Variants in ARHGEF37 observed in about 807,000 individuals in gnomAD.
ARHGEF37 encodes Rho guanine nucleotide exchange factor (GEF) 37.
ARHGEF37 carries 55 observed loss-of-function variants against 71.1 expected under a neutral mutation model. The observed-to-expected ratio is 0.77, with a 90% CI of 0.62 to 0.97. The LOEUF (loss-of-function observed/expected upper bound fraction) is 0.97, where lower values mean the gene tolerates loss of function less well. Among genes scored for constraint, ARHGEF37 ranks in the 50% least tolerant of loss-of-function variants. The probability of loss-of-function intolerance (pLI) is 0.00; values close to 1 mark genes in which losing one functional copy is unlikely to be tolerated. For missense variants in ARHGEF37, 765 were observed against 836.8 expected, an observed-to-expected ratio of 0.91 and a Z score of 1.06; for synonymous variants, 327 against 350.6, an observed-to-expected ratio of 0.93 and a Z score of 0.75.
intron 11 of ARHGEF37, among the ~76,000 whole-genome samples, chr5:149,628,431 C>T (rs889163657): frequency 5.9e-5 from 9 of 152,142 alleles, no homozygotes; most frequent in East Asian, 3.9e-4. Context: ...AGGCAGTCTC[C>T]GCCTCCTAGG....
At chr5:149,620,568 G>A (rs757233062) in intron 8 of ARHGEF37, 104 bp downstream of exon 8, 17 of 848,192 alleles carry the variant, frequency 2.0e-5, no homozygotes, top group Non-Finnish European at 2.7e-5. Flanking sequence ...GGTGGCTCAC[G>A]CCTGTAATCC....
intron 7 of ARHGEF37, among the ~76,000 whole-genome samples, chr5:149,619,385 G>A (rs1430835046): frequency 1.3e-5 from 2 of 152,194 alleles, no homozygotes; most frequent in Admixed American, 6.5e-5. Context: ...AGTGAAGTGT[G>A]CAGGTAACAG....
Position 149,622,069 on chromosome 5 carries a change from C to A in ARHGEF37, c.1335+7C>A, listed in dbSNP as rs756960988. ...AGAGGGAAGCATGGCCCAGGTAAGG[C>A]CTCTGAGACTTGGACACCTGTGGGG... On this transcript the variant is annotated splice_region_variant and intron_variant, in intron 9 of 12. Coordinates refer to ENST00000333677, the MANE Select transcript of ARHGEF37 (RefSeq NM_001001669.3). 8.8e-6 allele frequency: 14 copies of A among 1,597,232 alleles called. No homozygotes were observed. The South Asian group carries it at 1.6e-4, about 18-fold the overall frequency.
In ARHGEF37 at chr5:149,597,798, C is replaced by G; in HGVS notation, c.29C>G (p.Ser10Cys). 4 of 1,570,840 alleles carry G rather than the reference C, an allele frequency of 2.5e-6. No individual in the cohort carries two copies. Among genetic ancestry groups the G allele is most frequent in the Non-Finnish European group, 3.4e-6 (4 of 1,160,588 alleles). ...GCCAAGCATGGAGCCGACGAGCCAT[C>G]CTCCAGGTCAGGGAGTCCGGACAGG... MAKHGADEP[S>C]SRSGSPDREG... The change falls in exon 2 of 13, where the codon TCC (serine) becomes TGC (cysteine). Residue 10 changes from serine (S) to cysteine (C), a missense_variant. Around this residue, in one of 5 missense-constraint regions of ARHGEF37, gnomAD observed 201 missense variants for 217.5 expected, o/e 0.92. Transcript: ENST00000333677.
At chr5:149,564,901 G>A (rs1762881285) in intron 1 of ARHGEF37, among the ~76,000 whole-genome samples, 1 of 152,182 alleles carries the variant, frequency 6.6e-6, no homozygotes, top group African/African-American at 2.4e-5. Flanking sequence ...ATGAACCCAT[G>A]GCACATCGTG....
At chr5:149,558,228 C>T (rs762915522) in intron 1 of ARHGEF37, among the ~76,000 whole-genome samples, 3 of 152,122 alleles carry the variant, frequency 2.0e-5, no homozygotes, top group East Asian at 2.0e-4. Context: ...AGGGACTGAC[C>T]GGGCACCATG....
rs567437385 is a variant in ARHGEF37 at position 149,590,174 on chromosome 5, C to T, written c.-11-7585C>T. Among the ~76,000 whole-genome samples the T allele has an allele frequency of 2.3e-3, 327 of 144,180 alleles. 2 individuals carry two copies. The highest frequency in any genetic ancestry group is 7.5e-3 in the African/African-American group (305 of 40,892). The allele number at this position is 144,180 out of a possible 152,430, so 94.6% of individuals were successfully genotyped here. A position where few individuals can be genotyped will look rare whatever the true frequency, so the allele number is the denominator to read the frequency against. ...GTGGGAATGCCCAAATCCCTCTGTG[C>T]CAGTGTGAACAGAAGAGAAGAGAGA... On this transcript the variant is annotated intron_variant, in intron 1 of 12. Coordinates refer to ENST00000333677, the MANE Select transcript of ARHGEF37 (RefSeq NM_001001669.3).
At position 149,618,919 on chromosome 5, in the gene ARHGEF37, TCA is replaced by T. The variant is rs1359612314; in HGVS notation, c.790-12_790-11del. 6.3e-7 allele frequency: 1 copy of T among 1,595,794 alleles called. No individual in the cohort carries two copies. Among genetic ancestry groups the T allele is most frequent in the Non-Finnish European group, 8.6e-7 (1 of 1,163,324 alleles). ...GCCCCCATGTGGATATTCTCAACCCTCACACACATTACTTTCAGACAGAAGAC... is the reference window on the plus strand; with the variant it reads ...GCCCCCATGTGGATATTCTCAACCCTCACACATTACTTTCAGACAGAAGAC... On this transcript the variant is annotated splice_polypyrimidine_tract_variant and intron_variant, in intron 6 of 12. Transcript: ENST00000333677.
At chr5:149,609,462 A>G in intron 3 of ARHGEF37, 86 bp from the exon 4 acceptor site, 2 of 1,433,574 alleles carry the variant, frequency 1.4e-6, no homozygotes, top group Non-Finnish European at 2.0e-6. Flanking sequence ...GGAGAGCTGG[A>G]GGGGTTTACT....
intron 1 of ARHGEF37, among the ~76,000 whole-genome samples, chr5:149,562,102 A>G (rs977686469): frequency 3.9e-5 from 6 of 152,216 alleles, no homozygotes; most frequent in African/African-American, 1.4e-4. Context: ...AAGCACTGAT[A>G]CTTATCACAG....
chr5:149,628,882 G>A lies in ARHGEF37; in HGVS notation c.1734G>A (p.Arg578=). The change falls in exon 12 of 13, where the codon AGG becomes AGA. Residue 578 remains arginine, a synonymous_variant. Coordinates refer to ENST00000333677, the MANE Select transcript of ARHGEF37 (RefSeq NM_001001669.3). ...HVVPSAEELR[R]QAGLNKDPRC... ...TCCCCAGTGCAGAGGAGCTCAGAAG[G>A]CAGGCGGGGCTGAACAAAGACCCCC... 6.2e-7 allele frequency: 1 copy of A among 1,613,732 alleles called. No individual in the cohort carries two copies. Among genetic ancestry groups the A allele is most frequent in the Non-Finnish European group, 8.5e-7 (1 of 1,180,008 alleles).
At chr5:149,562,186 G>C (rs1211693770) in intron 1 of ARHGEF37, among the ~76,000 whole-genome samples, 1 of 152,186 alleles carries the variant, frequency 6.6e-6, no homozygotes, top group Non-Finnish European at 1.5e-5. Context: ...GCAGTGAACA[G>C]AGCCAGGGCG....
intron 1 of ARHGEF37, among the ~76,000 whole-genome samples, chr5:149,590,701 T>C (rs542647468): frequency 4.1e-4 from 63 of 151,874 alleles, no homozygotes; most frequent in African/African-American, 1.2e-3. Context: ...AGGCAGAGAA[T>C]GGCTGCCACC....
intron 1 of ARHGEF37, among the ~76,000 whole-genome samples, chr5:149,573,847 G>A (rs1762998127): frequency 1.3e-5 from 2 of 151,950 alleles, no homozygotes; most frequent in Non-Finnish European, 2.9e-5. Flanking sequence ...ATCCTTACAT[G>A]TCAATACTCA....
intron 2 of ARHGEF37, among the ~76,000 whole-genome samples, chr5:149,599,585 G>A (rs752454621): frequency 5.9e-5 from 9 of 152,052 alleles, no homozygotes; most frequent in African/African-American, 1.9e-4. Flanking sequence ...CCACCACACC[G>A]AGCCATGACC....
chr5:149,629,081 G>C, intron 12 of ARHGEF37, 115 bp downstream of exon 12: 4 of 1,325,450 alleles, frequency 3.0e-6, no homozygotes, highest in Non-Finnish European at 4.0e-6. Context: ...CTGCCACTCT[G>C]TGAGACCAAG....
chr5:149,629,364 T>C (rs1752806724), intron 12 of ARHGEF37, among the ~76,000 whole-genome samples: 1 of 152,134 alleles, frequency 6.6e-6, no homozygotes, highest in African/African-American at 2.4e-5. Flanking sequence ...ATTAAGAAAA[T>C]AATTTCATGA....
chr5:149,563,946 A>ATTTT (rs570750342), intron 1 of ARHGEF37, among the ~76,000 whole-genome samples: 24 of 124,858 alleles, frequency 1.9e-4, no homozygotes, highest in African/African-American at 2.9e-4. Context: ...ATTAGTTTAA[A>ATTTT]TTTTTTTTTT....
chr5:149,623,963 C>T, intron 9 of ARHGEF37, 49 bp from the exon 10 acceptor site: 1 of 1,546,700 alleles, frequency 6.5e-7, no homozygotes, highest in Non-Finnish European at 8.8e-7. Context: ...CCAGGGATCT[C>T]ATTGTCCCCT....
Sources: allele counts gnomAD v4.1 joint callset (sites outside exome capture counted in the v4.1 genomes callset), GRCh38; gene constraint gnomAD v4.1.1; regional missense constraint gnomAD v4.1.1; transcripts MANE v1.5; gene names NCBI Gene and HGNC (gene_info 2026-07-23, HGNC 2026-07-21).